The following CHST8 variants were observed in gnomAD, a reference collection of about 807,000 sequenced individuals.
The protein encoded by CHST8 is GALNAC-4-ST1.
In CHST8, 10 loss-of-function variants were observed where a neutral mutation model predicts 15.0. That is an observed-to-expected ratio of 0.67 (90% CI 0.41 to 1.13). CHST8 has a LOEUF of 1.13. CHST8 is among the 50% of genes most tolerant of loss of function. CHST8 has a pLI of 0.00. For synonymous variants in CHST8, 259 were observed against 256.6 expected (o/e 1.01, Z -0.09); for missense variants, 634 against 608.2 (o/e 1.04, Z -0.45).
At chr19:33,667,546 G>A (rs1972679417) in intron 1 of CHST8, among the ~76,000 whole-genome samples, 1 of 152,070 alleles carries the variant, frequency 6.6e-6, no homozygotes, top group Admixed American at 6.6e-5. Flanking sequence ...AGGAACAAAC[G>A]GTGCCAAATT....
At chr19:33,718,005 A>C (rs1973694395) in intron 3 of CHST8, among the ~76,000 whole-genome samples, 1 of 152,130 alleles carries the variant, frequency 6.6e-6, no homozygotes, top group African/African-American at 2.4e-5. Flanking sequence ...TCCTGGCAGA[A>C]GACCCCCAGT....
intron 3 of CHST8, among the ~76,000 whole-genome samples, chr19:33,751,613 C>A (rs1275002973): frequency 6.6e-6 from 1 of 152,174 alleles, no homozygotes; most frequent in Non-Finnish European, 1.5e-5. Context: ...GCCTGACCGG[C>A]CCACCGTCCC....
chr19:33,631,116 A>T (rs931566308), intron 1 of CHST8, among the ~76,000 whole-genome samples: 3 of 152,204 alleles, frequency 2.0e-5, no homozygotes, highest in African/African-American at 7.2e-5. Flanking sequence ...GGCGCTGTCT[A>T]TGCTGGTTGG....
chr19:33,712,123 G>A (rs79716467), intron 3 of CHST8, among the ~76,000 whole-genome samples: 1 of 152,278 alleles, frequency 6.6e-6, no homozygotes, highest in African/African-American at 2.4e-5. Context: ...TTTAAAACAA[G>A]GCTAGTCACT....
chr19:33,742,713 G>A (rs1974220601), intron 3 of CHST8, among the ~76,000 whole-genome samples: 1 of 152,152 alleles, frequency 6.6e-6, no homozygotes, highest in African/African-American at 2.4e-5. Context: ...TGTTTTTGTT[G>A]TATATATCGG....
At chr19:33,718,148 G>A (rs1471991498) in intron 3 of CHST8, among the ~76,000 whole-genome samples, 1 of 152,024 alleles carries the variant, frequency 6.6e-6, no homozygotes, top group African/African-American at 2.4e-5. Flanking sequence ...TTCCTCAGCA[G>A]GTACATCTTC....
intron 1 of CHST8, among the ~76,000 whole-genome samples, chr19:33,654,208 TGTTTCCTGTA>T (rs1320591494): frequency 6.6e-6 from 1 of 152,214 alleles, no homozygotes; most frequent in African/African-American, 2.4e-5. Context: ...TCTACATGCT[TGTTTCCTGTA>T]GTTTCCTGTT....
At position 33,772,336 on chromosome 19, in the gene CHST8, G is replaced by A. The variant is rs767784068; in HGVS notation, c.548G>A (p.Arg183His). Residue 183 changes from arginine (R) to histidine (H), a missense_variant, in exon 5 of 5, where the codon CGT becomes CAT. By Grantham distance (29) the Arg-to-His change is conservative. Transcript: ENST00000650847. ...GCCGTCACGCCCCGCCACGTGTCCC[G>A]TATCTTCGTGGAGGACCGCCACCGC... ...RRAVTPRHVS[R>H]IFVEDRHRVL... 5.0e-6 allele frequency: 8 copies of A among 1,606,136 alleles called. No individual in the cohort carries two copies. Among genetic ancestry groups the A allele is most frequent in the Middle Eastern group, 1.7e-4 (1 of 6,054 alleles).
intron 3 of CHST8, among the ~76,000 whole-genome samples, chr19:33,726,776 A>G (rs1197675854): frequency 6.6e-6 from 1 of 151,164 alleles, no homozygotes; most frequent in Non-Finnish European, 1.5e-5. Flanking sequence ...GCTCCCTGGC[A>G]AGGGGCTAGG....
intron 1 of CHST8, among the ~76,000 whole-genome samples, chr19:33,640,534 C>A (rs934080252): frequency 6.6e-6 from 1 of 152,200 alleles, no homozygotes; most frequent in African/African-American, 2.4e-5. Context: ...TTTTTAATTT[C>A]TCCTGCTTTG....
intron 3 of CHST8, among the ~76,000 whole-genome samples, chr19:33,767,770 CA>C (rs371796425): frequency 1.5e-4 from 23 of 152,170 alleles, no homozygotes; most frequent in African/African-American, 4.1e-4. Flanking sequence ...GATTCTGTCG[CA>C]GGGGTGGAGG....
intron 3 of CHST8, among the ~76,000 whole-genome samples, chr19:33,710,782 A>G (rs557169628): frequency 7.9e-5 from 12 of 152,300 alleles, no homozygotes; most frequent in Non-Finnish European, 1.6e-4. Flanking sequence ...AAGCAGCCCC[A>G]GGCTACAATG....
intron 1 of CHST8, among the ~76,000 whole-genome samples, chr19:33,633,966 TTTTTGTTTTG>T (rs899643273): frequency 3.9e-5 from 6 of 152,092 alleles, no homozygotes; most frequent in Admixed American, 6.5e-5. Context: ...CACTCCCAGC[TTTTTGTTTTG>T]TTTTGTTTTG....
chr19:33,622,746 G>A (rs1452619175), intron 1 of CHST8, among the ~76,000 whole-genome samples: 1 of 152,164 alleles, frequency 6.6e-6, no homozygotes, highest in Non-Finnish European at 1.5e-5. Context: ...GTTGCGGCGG[G>A]CAGAGACTAT....
chr19:33,648,919 T>TTTC (rs386388901), intron 1 of CHST8, among the ~76,000 whole-genome samples: 1 of 148,128 alleles, frequency 6.8e-6, no homozygotes, highest in African/African-American at 2.5e-5. Flanking sequence ...TTTTTTTTTT[T>TTTC]TTGAGTTGGA....
chr19:33,772,345 TGGA>T lies in CHST8; in HGVS notation c.561_563del (p.Glu187del). ...CCCCGCCACGTGTCCCGTATCTTCG[TGGA>T]GGACCGCCACCGCGTGCTCTACTGC... is the stretch of plus-strand genomic sequence containing the variant. On this transcript the variant is annotated inframe_deletion, in exon 5 of 5. Coordinates refer to ENST00000650847, the MANE Select transcript of CHST8 (RefSeq NM_001127895.2). The T allele has an allele frequency of 6.2e-7, 1 of 1,606,838 alleles. No individual in the cohort carries two copies. The highest frequency in any genetic ancestry group is 8.5e-7 in the Non-Finnish European group (1 of 1,179,206).
chr19:33,644,836 A>C (rs1972329257), intron 1 of CHST8, among the ~76,000 whole-genome samples: 1 of 152,192 alleles, frequency 6.6e-6, no homozygotes, highest in Non-Finnish European at 1.5e-5. Flanking sequence ...GTGTGGGGTT[A>C]GGGAGGAAGG....
At chr19:33,627,959 G>A (rs1051218116) in intron 1 of CHST8, among the ~76,000 whole-genome samples, 10 of 152,152 alleles carry the variant, frequency 6.6e-5, no homozygotes, top group African/African-American at 2.4e-4. Flanking sequence ...AATGACTAAT[G>A]TGTGATTCTA....
At chr19:33,709,714 G>C (rs1973513561) in intron 3 of CHST8, among the ~76,000 whole-genome samples, 1 of 151,978 alleles carries the variant, frequency 6.6e-6, no homozygotes, top group African/African-American at 2.4e-5. Flanking sequence ...AAATGAATTG[G>C]GAAGTATTTT....
Sources: gnomAD v4.1 joint callset for allele counts (sites outside exome capture counted in the v4.1 genomes callset) on GRCh38, gnomAD v4.1.1 for gene constraint, MANE v1.5 for transcripts, NCBI Gene and HGNC (gene_info 2026-07-23, HGNC 2026-07-21) for gene names.